PMEPA1: variants seen among roughly 807,000 people sequenced by gnomAD.
PMEPA1 encodes protein TMEPAI.
In PMEPA1, 11 loss-of-function variants were observed where a neutral mutation model predicts 23.0. The observed-to-expected ratio is 0.48, with a 90% CI of 0.30 to 0.79. The LOEUF (loss-of-function observed/expected upper bound fraction) is 0.79. Among genes scored for constraint, PMEPA1 ranks in the 30% least tolerant of loss-of-function variants. The pLI is 0.06. For synonymous variants in PMEPA1, 204 were observed against 166.4 expected, an observed-to-expected ratio of 1.23 and a Z score of -1.74; for missense variants, 377 against 390.9, an observed-to-expected ratio of 0.96 and a Z score of 0.30.
chr20:57,659,776 T>C (rs1033816424), intron 1 of PMEPA1, 79 bp from the exon 2 acceptor site: 1 of 1,386,556 alleles, frequency 7.2e-7, no homozygotes, highest in African/African-American at 1.4e-5. Flanking sequence ...TTTTGAGCTT[T>C]TTCACCCACC....
intron 1 of PMEPA1, among the ~76,000 whole-genome samples, chr20:57,680,526 G>C (rs973015271): frequency 2.0e-5 from 3 of 152,206 alleles, no homozygotes; most frequent in African/African-American, 7.2e-5. Context: ...CACCAAGGTC[G>C]AGAAACTCTG....
intron 1 of PMEPA1, among the ~76,000 whole-genome samples, chr20:57,696,911 CAT>C (rs1429539066): frequency 6.6e-6 from 1 of 152,216 alleles, no homozygotes; most frequent in African/African-American, 2.4e-5. Flanking sequence ...AGGAAAATGA[CAT>C]ATTGTCAAGG....
chr20:57,659,831 C>T (rs2071387789), intron 1 of PMEPA1, 134 bp from the exon 2 acceptor site: 1 of 794,408 alleles, frequency 1.3e-6, no homozygotes, highest in East Asian at 2.7e-5. Flanking sequence ...GCCCCCGCCA[C>T]TCTCCCGGCA....
Position 57,652,550 on chromosome 20 carries a change from G to A in PMEPA1, c.367C>T (p.Pro123Ser), listed in dbSNP as rs775546662. 7.2e-6 allele frequency: 11 copies of A among 1,538,116 alleles called. No homozygotes were observed. The Admixed American group carries it at 2.2e-4, about 31-fold the overall frequency. Reference protein sequence around the residue: ...PRPTDRLAVPPFAQRERFHRF... With the variant: ...PRPTDRLAVPSFAQRERFHRF... ...TGGAAGCGCTCCCGCTGGGCGAAGG[G>A]CGGCACGGCCAGGCGGTCGGTGGGC... The change falls in exon 4 of 4, where the codon CCC becomes TCC. Residue 123 changes from proline (P) to serine (S), a missense_variant. Physicochemically the swap from Pro to Ser is moderately conservative, Grantham distance 74 (BLOSUM62 -1). Around this residue, in one of 3 missense-constraint regions of PMEPA1, gnomAD observed 198 missense variants for 196.3 expected, o/e 1.01. Transcript: ENST00000341744. This position sits in a 1 kb window ranked among gnomAD's most constrained non-coding sequence, Gnocchi z 6.1.
Position 57,704,486 on chromosome 20 carries a change from T to TC in PMEPA1, c.109+4987dup, listed in dbSNP as rs2072051275. 2.0e-5 allele frequency among the ~76,000 whole-genome samples: 3 copies of TC among 152,154 alleles called. No homozygotes were observed. The highest frequency in any genetic ancestry group is 7.2e-5 in the African/African-American group (3 of 41,428). Reference sequence around the variant, plus strand: ...AAAAAATGGGCCCTCGGCTTCAATCTCCTTCTCTCAGCATGTGCACCGTAC... The same window carrying TC: ...AAAAAATGGGCCCTCGGCTTCAATCTCCCTTCTCTCAGCATGTGCACCGTAC... On this transcript the variant is annotated intron_variant, in intron 1 of 3. Transcript: ENST00000341744. This position sits in a 1 kb window ranked among gnomAD's most constrained non-coding sequence, Gnocchi z 4.6.
At chr20:57,694,515 G>C (rs567397019) in intron 1 of PMEPA1, among the ~76,000 whole-genome samples, 1 of 152,328 alleles carries the variant, frequency 6.6e-6, no homozygotes, top group East Asian at 1.9e-4. Context: ...GCTACCGTTT[G>C]CTTCGGGTTT....
intron 1 of PMEPA1, among the ~76,000 whole-genome samples, chr20:57,668,120 C>T (rs1370094446): frequency 1.3e-5 from 2 of 152,182 alleles, no homozygotes; most frequent in Non-Finnish European, 2.9e-5. Context: ...GGCTGAGCAC[C>T]TGGCACCCGG....
chr20:57,684,924 T>C (rs1309267271), intron 1 of PMEPA1, among the ~76,000 whole-genome samples: 3 of 151,888 alleles, frequency 2.0e-5, no homozygotes, highest in African/African-American at 4.8e-5. Context: ...CCTTTTTCGA[T>C]GATGGTATAA....
Position 57,649,393 on chromosome 20 carries a change from TG to T in PMEPA1, c.*2659del, listed in dbSNP as rs1187054604. The T allele has an allele frequency of 2.0e-5, 3 of 152,320 alleles. No homozygotes were observed. The highest frequency in any genetic ancestry group is 4.4e-5 in the Non-Finnish European group (3 of 68,070). The allele number at this position is 152,320 out of a possible 1,614,324, so 9.4% of individuals were successfully genotyped here. A position where few individuals can be genotyped will look rare whatever the true frequency, so the allele number is the denominator to read the frequency against. On this transcript the variant is annotated 3_prime_UTR_variant, in exon 4 of 4. Transcript: ENST00000341744. The stretch of plus-strand genomic sequence containing the variant: ...GAGAGGCCACTACCCCATGAACTTC[TG>T]CCATCCACTGGACATGAAGCTGAGG...
chr20:57,653,473 C>T (rs974234930), intron 2 of PMEPA1, among the ~76,000 whole-genome samples: 1 of 152,256 alleles, frequency 6.6e-6, no homozygotes, highest in African/African-American at 2.4e-5. Context: ...GGGCCCCCTG[C>T]TGGCTGTGTG....
At chr20:57,668,129 G>A (rs1020177409) in intron 1 of PMEPA1, among the ~76,000 whole-genome samples, 37 of 152,262 alleles carry the variant, frequency 2.4e-4, no homozygotes, top group East Asian at 1.4e-3. Context: ...CCTGGCACCC[G>A]GACAGGTGAA....
intron 1 of PMEPA1, among the ~76,000 whole-genome samples, chr20:57,672,006 T>C (rs1473388651): frequency 3.3e-5 from 5 of 152,226 alleles, no homozygotes; most frequent in Non-Finnish European, 1.5e-5. Flanking sequence ...GAAACTGGAA[T>C]GGTAAATAAA....
upstream of PMEPA1, chr20:57,711,418 G>C (rs892642046): frequency 3.3e-5 from 5 of 152,146 alleles, no homozygotes; most frequent in African/African-American, 1.2e-4. Context: ...GATGCTGCCA[G>C]AGCTCTCCCA....
intron 1 of PMEPA1, among the ~76,000 whole-genome samples, chr20:57,677,482 A>C (rs896577669): frequency 6.6e-6 from 1 of 152,190 alleles, no homozygotes; most frequent in African/African-American, 2.4e-5. Context: ...CTAACACCAC[A>C]CCTGACACAA....
chr20:57,669,598 G>C lies in PMEPA1; in HGVS notation c.110-9901C>G, dbSNP rs535554091. On this transcript the variant is annotated intron_variant, in intron 1 of 3. Transcript: ENST00000341744. ...CACCACCCTGGGAAGCACAGCCACCGGTCAGTCTGTATCCTCACGGGATGA... is the reference window on the plus strand; with the variant it reads ...CACCACCCTGGGAAGCACAGCCACCCGTCAGTCTGTATCCTCACGGGATGA... Among the ~76,000 whole-genome samples the C allele has an allele frequency of 1.2e-4, 18 of 152,334 alleles. No individual in the cohort carries two copies. The South Asian group carries it at 3.7e-3, about 32-fold the overall frequency.
intron 1 of PMEPA1, among the ~76,000 whole-genome samples, chr20:57,697,357 C>T (rs1033090504): frequency 6.6e-6 from 1 of 152,198 alleles, no homozygotes; most frequent in Non-Finnish European, 1.5e-5. Flanking sequence ...ATGGAGGGTG[C>T]AATTGATTAG....
chr20:57,687,208 C>A (rs140864725), intron 1 of PMEPA1, among the ~76,000 whole-genome samples: 3 of 152,206 alleles, frequency 2.0e-5, no homozygotes, highest in Non-Finnish European at 2.9e-5. Context: ...GTTCTTTTTC[C>A]GTTAAGGGGT....
upstream of PMEPA1, chr20:57,711,341 C>G (rs1036901426): frequency 1.3e-5 from 2 of 152,262 alleles, no homozygotes; most frequent in Non-Finnish European, 2.9e-5. Context: ...AGAGCGAATT[C>G]ATCCTGAAGA....
chr20:57,657,024 C>T (rs1248602270), intron 2 of PMEPA1, among the ~76,000 whole-genome samples: 4 of 152,168 alleles, frequency 2.6e-5, no homozygotes, highest in South Asian at 2.1e-4. Flanking sequence ...GCTGTGCAGG[C>T]GGCTGGGTAG....
Sources: gnomAD v4.1 joint callset for allele counts (sites outside exome capture counted in the v4.1 genomes callset) on GRCh38, gnomAD v4.1.1 for gene constraint, gnomAD v4.1.1 regional missense constraint, Gnocchi (gnomAD v3.1) non-coding constraint, MANE v1.5 for transcripts, NCBI Gene and HGNC (gene_info 2026-07-23, HGNC 2026-07-21) for gene names.